SULT1C3: variants seen among roughly 807,000 people sequenced by gnomAD.
SULT1C3 encodes the protein sulfotransferase 1C3.
Under a neutral mutation model 28.4 loss-of-function variants are expected in SULT1C3, and 31 were observed. The ratio of observed to expected loss-of-function variants is 1.09; its 90% confidence interval spans 0.82 to 1.47. The LOEUF (loss-of-function observed/expected upper bound fraction) is 1.47. Ranked by LOEUF, SULT1C3 falls within the 40% of genes most tolerant of loss-of-function variation. SULT1C3 has a pLI of 0.00. For synonymous variants in SULT1C3, 106 were observed against 92.2 expected (o/e 1.15, Z -0.86); for missense variants, 307 against 272.5 (o/e 1.13, Z -0.89).
intron 3 of SULT1C3, 27 bp downstream of exon 3, chr2:108,252,520 G>A (rs1486896503): frequency 6.2e-7 from 1 of 1,609,548 alleles, no homozygotes; most frequent in Non-Finnish European, 8.5e-7. Context: ...AAGATAGAAA[G>A]GACTTTCACT....
Position 108,247,261 on chromosome 2 carries a change from G to A in SULT1C3, c.67G>A (p.Val23Ile). 2 of 1,595,694 alleles carry A rather than the reference G, an allele frequency of 1.3e-6. No individual in the cohort carries two copies. Among genetic ancestry groups the A allele is most frequent in the South Asian group, 2.3e-5 (2 of 87,504 alleles). Reference protein sequence around the residue: ...KKPELFNIMEVDGVPTLILSK... With the variant: ...KKPELFNIMEIDGVPTLILSK... ...GCCAGAACTGTTTAACATCATGGAAGTAGATGGAGTCCCTACGTTGATATT... is the reference window on the plus strand; with the variant it reads ...GCCAGAACTGTTTAACATCATGGAAATAGATGGAGTCCCTACGTTGATATT... The change falls in exon 2 of 8, where the codon GTA (valine) becomes ATA (isoleucine). Residue 23 changes from valine (V) to isoleucine (I), a missense_variant. By Grantham distance (29) the Val-to-Ile change is conservative. Transcript: ENST00000681802.
chr2:108,252,930 T>A (rs569296882), intron 3 of SULT1C3, among the ~76,000 whole-genome samples: 1 of 151,900 alleles, frequency 6.6e-6, no homozygotes, highest in African/African-American at 2.4e-5. Context: ...TTCCTCAGAG[T>A]GTAAAACCCA....
chr2:108,255,789 C>T, intron 5 of SULT1C3, 91 bp downstream of exon 5: 2 of 1,463,654 alleles, frequency 1.4e-6, no homozygotes, highest in Non-Finnish European at 1.8e-6. Flanking sequence ...TACAAAAGGC[C>T]ATCCTGATTG....
At chr2:108,255,835 G>C in intron 5 of SULT1C3, 137 bp downstream of exon 5, 1 of 1,121,792 alleles carries the variant, frequency 8.9e-7, no homozygotes, top group Non-Finnish European at 1.2e-6. Flanking sequence ...GACTGGAGAA[G>C]CCAGGTAGAA....
At chr2:108,249,348 C>T (rs1191690342) in intron 2 of SULT1C3, among the ~76,000 whole-genome samples, 3 of 151,604 alleles carry the variant, frequency 2.0e-5, no homozygotes, top group East Asian at 1.9e-4. Context: ...TCTCTGACAG[C>T]GAAAAGCTGA....
At chr2:108,260,209 T>C (rs189856380) in intron 7 of SULT1C3, among the ~76,000 whole-genome samples, 460 of 152,210 alleles carry the variant, frequency 3.0e-3, no homozygotes, top group Non-Finnish European at 5.3e-3. Flanking sequence ...TCACTGTCCC[T>C]GGGAGAATAA....
At chr2:108,250,141 A>T (rs1675694047) in intron 2 of SULT1C3, among the ~76,000 whole-genome samples, 1 of 151,986 alleles carries the variant, frequency 6.6e-6, no homozygotes, top group African/African-American at 2.4e-5. Flanking sequence ...AGTTAAGAAA[A>T]TAAAAATATG....
chr2:108,252,599 T>G lies in SULT1C3; in HGVS notation c.301+106T>G, dbSNP rs962035399. The G allele has an allele frequency of 1.7e-5, 23 of 1,315,540 alleles. No homozygotes were observed. In the Admixed American group the frequency reaches 5.1e-4, roughly 29 times the overall value. 81.5% of individuals were successfully genotyped at this position (1,315,540 alleles called of 1,614,324 possible). A position where few individuals can be genotyped will look rare whatever the true frequency, so the allele number is the denominator to read the frequency against. ...GTGGTAGCCAGAAGTAGCCTGTATC[T>G]TTCATGAGGTCTATTTGTTCTCAGG... On this transcript the variant is annotated intron_variant, in intron 3 of 7. Transcript: ENST00000681802.
chr2:108,247,412 T>C, intron 2 of SULT1C3, 46 bp downstream of exon 2: 2 of 1,431,280 alleles, frequency 1.4e-6, no homozygotes, highest in Non-Finnish European at 1.9e-6. Flanking sequence ...TCACGTGAAA[T>C]TATTGCATAA....
chr2:108,249,231 G>A (rs1442484361), intron 2 of SULT1C3, among the ~76,000 whole-genome samples: 1 of 152,030 alleles, frequency 6.6e-6, no homozygotes, highest in Admixed American at 6.6e-5. Context: ...TTTAACTCAT[G>A]AAGCTTGTGG....
At chr2:108,242,092 A>G (rs1166080879) in intron 1 of SULT1C3, among the ~76,000 whole-genome samples, 1 of 152,176 alleles carries the variant, frequency 6.6e-6, no homozygotes, top group South Asian at 2.1e-4. Context: ...CAGGCAATAT[A>G]CAACCTGGGA....
chr2:108,240,428 C>T (rs1007391367), intron 1 of SULT1C3, among the ~76,000 whole-genome samples: 1 of 152,186 alleles, frequency 6.6e-6, no homozygotes, highest in African/African-American at 2.4e-5. Flanking sequence ...ATAGCAATTC[C>T]CATAAGTGTG....
chr2:108,253,660 A>G (rs888770953), intron 4 of SULT1C3, among the ~76,000 whole-genome samples: 1 of 152,078 alleles, frequency 6.6e-6, no homozygotes, highest in African/African-American at 2.4e-5. Context: ...TATTTCATGA[A>G]AAATTCTTGG....
intron 4 of SULT1C3, among the ~76,000 whole-genome samples, chr2:108,254,678 A>T (rs1231305764): frequency 6.7e-6 from 1 of 150,332 alleles, no homozygotes; most frequent in Admixed American, 6.7e-5. Flanking sequence ...TGTCCTAACC[A>T]TGTGAGATAT....
At chr2:108,252,567 A>G in intron 3 of SULT1C3, 74 bp downstream of exon 3, 1 of 1,542,702 alleles carries the variant, frequency 6.5e-7, no homozygotes, top group Non-Finnish European at 8.8e-7. Flanking sequence ...TCTCTGATAG[A>G]GCATCCGTGG....
intron 4 of SULT1C3, among the ~76,000 whole-genome samples, chr2:108,253,949 C>T (rs1208569705): frequency 6.6e-6 from 1 of 151,870 alleles, no homozygotes; most frequent in African/African-American, 2.4e-5. Flanking sequence ...TCATTCTTCC[C>T]ATCCTTCTAA....
At chr2:108,246,218 C>T (rs1194120233) in intron 1 of SULT1C3, among the ~76,000 whole-genome samples, 1 of 152,198 alleles carries the variant, frequency 6.6e-6, no homozygotes, top group Non-Finnish European at 1.5e-5. Flanking sequence ...TTCCTGTCTT[C>T]TTCTGTTCCA....
intron 2 of SULT1C3, among the ~76,000 whole-genome samples, chr2:108,250,174 T>A (rs1263468255): frequency 6.6e-6 from 1 of 151,600 alleles, no homozygotes; most frequent in Admixed American, 6.6e-5. Flanking sequence ...AGAGAAAATA[T>A]TCACAATACA....
intron 2 of SULT1C3, among the ~76,000 whole-genome samples, chr2:108,250,582 C>G (rs1440442652): frequency 4.7e-5 from 2 of 42,188 alleles, no homozygotes; most frequent in African/African-American, 2.0e-4. Flanking sequence ...AATCTATGTT[C>G]ATATAAAAAC....
Sources: gnomAD v4.1 joint callset for allele counts (sites outside exome capture counted in the v4.1 genomes callset) on GRCh38, gnomAD v4.1.1 for gene constraint, MANE v1.5 for transcripts, NCBI Gene and HGNC (gene_info 2026-07-23, HGNC 2026-07-21) for gene names.